Variants in TRIM44 observed in about 807,000 individuals in gnomAD.
TRIM44 encodes tripartite motif-containing protein 44.
A neutral mutation model predicts 37.4 loss-of-function variants in TRIM44; 13 were observed. That is an observed-to-expected ratio of 0.35 (90% CI 0.23 to 0.55). TRIM44 has a LOEUF of 0.55. TRIM44 is among the 20% of genes least tolerant of loss of function. The pLI is 0.89. For missense variants in TRIM44, 426 were observed against 437.2 expected, an observed-to-expected ratio of 0.97 and a Z score of 0.23; for synonymous variants, 175 against 157.2, an observed-to-expected ratio of 1.11 and a Z score of -0.85.
chr11:35,732,246 GAAC>G (rs1852270567), intron 3 of TRIM44, among the ~76,000 whole-genome samples: 1 of 152,144 alleles, frequency 6.6e-6, no homozygotes, highest in African/African-American at 2.4e-5. Flanking sequence ...GATTCTTGGT[GAAC>G]AACATTTCCA....
intron 4 of TRIM44, among the ~76,000 whole-genome samples, chr11:35,783,928 T>C (rs527798951): frequency 5.1e-4 from 78 of 152,338 alleles, no homozygotes; most frequent in Middle Eastern, 6.8e-3. Flanking sequence ...GGCCATCTTA[T>C]ATACAGCCAG....
intron 4 of TRIM44, among the ~76,000 whole-genome samples, chr11:35,794,766 G>A (rs1435831013): frequency 2.0e-5 from 3 of 152,208 alleles, no homozygotes; most frequent in Non-Finnish European, 2.9e-5. Context: ...GAACAGTCAC[G>A]CTTTATACGA....
At position 35,808,665 on chromosome 11, in the gene TRIM44, C is replaced by G. The variant is rs979858579; in HGVS notation, c.*2280C>G. ...CTCAAGGAAAGCACTTTTGCTTTTA[C>G]TTAGAAAGCGTTTCAGATTTGCTTT... On this transcript the variant is annotated 3_prime_UTR_variant, in exon 5 of 5. Transcript: ENST00000299413. 6.6e-6 allele frequency: 1 copy of G among 152,184 alleles called. No individual in the cohort carries two copies. The highest frequency in any genetic ancestry group is 2.4e-5 in the African/African-American group (1 of 41,448). 9.4% of individuals were successfully genotyped at this position (152,184 alleles called of 1,614,324 possible). A position where few individuals can be genotyped will look rare whatever the true frequency, so the allele number is the denominator to read the frequency against.
chr11:35,729,832 A>G (rs1027348152), intron 3 of TRIM44, among the ~76,000 whole-genome samples: 28 of 152,240 alleles, frequency 1.8e-4, no homozygotes, highest in Admixed American at 1.8e-3. Context: ...CATCATGTCC[A>G]GGATACAGAC....
At chr11:35,734,264 ATCC>A (rs1169150622) in intron 3 of TRIM44, among the ~76,000 whole-genome samples, 3 of 152,206 alleles carry the variant, frequency 2.0e-5, no homozygotes, top group Admixed American at 2.0e-4. Context: ...TATTAAATAC[ATCC>A]TGTGTCACAG....
At chr11:35,750,580 A>G (rs1852548026) in intron 4 of TRIM44, among the ~76,000 whole-genome samples, 1 of 152,146 alleles carries the variant, frequency 6.6e-6, no homozygotes, top group Non-Finnish European at 1.5e-5. Flanking sequence ...ACATTCCCAC[A>G]CTTATTGACC....
At chr11:35,700,261 G>A (rs1271195658) in intron 2 of TRIM44, among the ~76,000 whole-genome samples, 1 of 152,130 alleles carries the variant, frequency 6.6e-6, no homozygotes, top group Non-Finnish European at 1.5e-5. Context: ...TGATAAACCA[G>A]CAAATACTGC....
chr11:35,804,514 C>T (rs1853422049), intron 4 of TRIM44, among the ~76,000 whole-genome samples: 1 of 152,164 alleles, frequency 6.6e-6, no homozygotes, highest in African/African-American at 2.4e-5. Context: ...AAGTGAACTG[C>T]AGCTTAGGGC....
intron 4 of TRIM44, among the ~76,000 whole-genome samples, chr11:35,790,857 A>G (rs551883856): frequency 6.6e-6 from 1 of 152,158 alleles, no homozygotes. Context: ...AACACTTACT[A>G]AAAGGGCAGG....
intron 4 of TRIM44, among the ~76,000 whole-genome samples, chr11:35,760,423 C>T (rs1459883494): frequency 2.6e-5 from 4 of 152,214 alleles, no homozygotes; most frequent in African/African-American, 4.8e-5. Flanking sequence ...AAAGGGAATT[C>T]CCTGACCCCT....
In TRIM44 at chr11:35,693,888, G is replaced by C. The variant is rs78688074; in HGVS notation, c.747+8552G>C. Reference sequence around the variant, plus strand: ...AACATTTAAAACGTTGGAAAGAATAGAGTGCGCTAGGGAGACTATTATGAC... The same window carrying C: ...AACATTTAAAACGTTGGAAAGAATACAGTGCGCTAGGGAGACTATTATGAC... On this transcript the variant is annotated intron_variant, in intron 2 of 4. Coordinates refer to ENST00000299413, the MANE Select transcript of TRIM44 (RefSeq NM_017583.6). Among the ~76,000 whole-genome samples, 2,112 of 152,284 alleles carry C rather than the reference G, an allele frequency of 0.014. 123 individuals are homozygous for C. In the East Asian group the frequency reaches 0.14, roughly 10 times the overall value.
chr11:35,685,752 C>T (rs973069747), intron 2 of TRIM44, among the ~76,000 whole-genome samples: 2 of 152,164 alleles, frequency 1.3e-5, no homozygotes, highest in East Asian at 3.9e-4. Context: ...CAGCCTCCGC[C>T]TGCCGGGTCC....
intron 4 of TRIM44, among the ~76,000 whole-genome samples, chr11:35,768,295 T>C (rs1852823178): frequency 6.6e-6 from 1 of 152,228 alleles, no homozygotes; most frequent in Non-Finnish European, 1.5e-5. Context: ...TTACTGTTCA[T>C]GGTAGCTGTA....
rs1414405107 is a variant in TRIM44 at position 35,695,865 on chromosome 11, AAATAT to A, written c.747+10533_747+10537del. Among the ~76,000 whole-genome samples the A allele has an allele frequency of 4.6e-5, 7 of 151,938 alleles. No individual in the cohort carries two copies. The East Asian group carries it at 7.7e-4, about 17-fold the overall frequency. On this transcript the variant is annotated intron_variant, in intron 2 of 4. Transcript: ENST00000299413. ...TAACATATGTTAATATCACTCACTA[AAATAT>A]AATCTGAAGAAGATTAAACTTTTTT...
intron 4 of TRIM44, among the ~76,000 whole-genome samples, chr11:35,777,080 G>C (rs567483397): frequency 1.3e-5 from 2 of 152,148 alleles, no homozygotes; most frequent in African/African-American, 4.8e-5. Flanking sequence ...TTATTATTGT[G>C]AGGGAGTCTA....
At chr11:35,694,480 A>C (rs1288753083) in intron 2 of TRIM44, among the ~76,000 whole-genome samples, 2 of 152,154 alleles carry the variant, frequency 1.3e-5, no homozygotes, top group African/African-American at 4.8e-5. Context: ...TTATCCATGA[A>C]TAAGGCTGGC....
intron 4 of TRIM44, among the ~76,000 whole-genome samples, chr11:35,786,940 T>C (rs1292885450): frequency 6.6e-6 from 1 of 152,192 alleles, no homozygotes; most frequent in East Asian, 1.9e-4. Context: ...GGGCTGACGC[T>C]TTCCCTTCTG....
At chr11:35,742,745 TTAA>T (rs1852425841) in intron 4 of TRIM44, among the ~76,000 whole-genome samples, 1 of 137,978 alleles carries the variant, frequency 7.2e-6, no homozygotes, top group African/African-American at 2.7e-5. Context: ...TATAATTATA[TTAA>T]TGTTATATGT....
intron 4 of TRIM44, among the ~76,000 whole-genome samples, chr11:35,736,351 A>G (rs1852326143): frequency 6.6e-6 from 1 of 152,158 alleles, no homozygotes; most frequent in Non-Finnish European, 1.5e-5. Flanking sequence ...CTATTCTTCA[A>G]AATAAACCCT....
Sources: gnomAD v4.1 joint callset for allele counts (sites outside exome capture counted in the v4.1 genomes callset) on GRCh38, gnomAD v4.1.1 for gene constraint, MANE v1.5 for transcripts, NCBI Gene and HGNC (gene_info 2026-07-23, HGNC 2026-07-21) for gene names.